ETV6: variants seen among roughly 807,000 people sequenced by gnomAD.
The protein encoded by ETV6 is transcription factor ETV6.
In ETV6, 16 loss-of-function variants were observed where a neutral mutation model predicts 51.1. The observed-to-expected ratio is 0.31, with a 90% CI of 0.21 to 0.48. ETV6 has a LOEUF of 0.48. ETV6 is among the 20% of genes least tolerant of loss of function. The pLI, the probability that ETV6 is intolerant of heterozygous loss-of-function variation, is 0.99. For missense variants in ETV6, 458 were observed against 594.8 expected (o/e 0.77, Z 2.39); for synonymous variants, 240 against 224.1 (o/e 1.07, Z -0.64).
chr12:11,820,009 C>T (rs1467685126), intron 2 of ETV6, among the ~76,000 whole-genome samples: 8 of 152,238 alleles, frequency 5.3e-5, no homozygotes, highest in African/African-American at 1.9e-4. Context: ...CTAATAATAG[C>T]TAACACTTAT....
chr12:11,881,026 C>CCCCTGG (rs1947083037), intron 5 of ETV6, among the ~76,000 whole-genome samples: 2 of 152,140 alleles, frequency 1.3e-5, no homozygotes, highest in Admixed American at 6.5e-5. Context: ...CAGCCCCAAA[C>CCCCTGG]CCCTGGGCTC....
chr12:11,669,373 T>TCCCTCCCTCCATCCCTCCCTC (rs1864262418), intron 1 of ETV6, among the ~76,000 whole-genome samples: 8 of 129,436 alleles, frequency 6.2e-5, no homozygotes, highest in South Asian at 2.6e-4. Flanking sequence ...CTTCCTCCCT[T>TCCCTCCCTCCATCCCTCCCTC]CCTCCCTCCC....
intron 2 of ETV6, among the ~76,000 whole-genome samples, chr12:11,832,221 G>A (rs1206991552): frequency 3.9e-5 from 6 of 152,192 alleles, no homozygotes; most frequent in African/African-American, 1.4e-4. Context: ...ATCAGCAAAT[G>A]GCAAAGAAAC....
intron 1 of ETV6, among the ~76,000 whole-genome samples, chr12:11,672,412 G>A (rs1327110119): frequency 2.0e-5 from 3 of 152,124 alleles, no homozygotes; most frequent in African/African-American, 4.8e-5. Flanking sequence ...AGACAAGCTG[G>A]CAAAAGGAAA....
intron 1 of ETV6, among the ~76,000 whole-genome samples, chr12:11,705,242 C>T (rs1294847473): frequency 6.6e-6 from 1 of 152,204 alleles, no homozygotes; most frequent in Non-Finnish European, 1.5e-5. Flanking sequence ...GGCCGGTGCT[C>T]AAACATGCTA....
intron 2 of ETV6, among the ~76,000 whole-genome samples, chr12:11,819,291 C>G (rs565730809): frequency 1.3e-5 from 2 of 152,296 alleles, no homozygotes; most frequent in East Asian, 3.9e-4. Context: ...GCCCGAAACT[C>G]TCCTGGCTTG....
chr12:11,810,097 G>A (rs1451475173), intron 2 of ETV6, among the ~76,000 whole-genome samples: 1 of 152,112 alleles, frequency 6.6e-6, no homozygotes, highest in Non-Finnish European at 1.5e-5. Context: ...GGGATTACAG[G>A]CGTGAGCCAC....
At chr12:11,702,605 T>C (rs2120844345) in intron 1 of ETV6, among the ~76,000 whole-genome samples, 1 of 139,474 alleles carries the variant, frequency 7.2e-6, no homozygotes, top group African/African-American at 2.6e-5. Context: ...GCCTGTAATC[T>C]CTTGGTAACA....
At chr12:11,701,290 C>T (rs1489010077) in intron 1 of ETV6, among the ~76,000 whole-genome samples, 2 of 152,194 alleles carry the variant, frequency 1.3e-5, no homozygotes, top group Non-Finnish European at 2.9e-5. Context: ...GCATGCCCTT[C>T]TCCCCTCCCC....
rs114760671 is a variant in ETV6 at position 11,793,211 on chromosome 12, A to G, written c.163+40632A>G. ...CACTAACTGTGGCAGATATTGTCCT[A>G]AGCACTTTACATCTGCTAGCTCATT... On this transcript the variant is annotated intron_variant, in intron 2 of 7. Coordinates refer to ENST00000396373, the MANE Select transcript of ETV6 (RefSeq NM_001987.5). Among the ~76,000 whole-genome samples, 471 of 152,334 alleles carry G rather than the reference A, an allele frequency of 3.1e-3. 4 individuals are homozygous for G. The highest frequency in any genetic ancestry group is 0.011 in the African/African-American group (456 of 41,568).
rs758064156 is a variant in ETV6 at position 11,869,622 on chromosome 12, C to T, written c.662C>T (p.Pro221Leu). 2 of 1,614,182 alleles carry T rather than the reference C, an allele frequency of 1.2e-6. No homozygotes were observed. The highest frequency in any genetic ancestry group is 1.1e-5 in the South Asian group (1 of 91,076). The change falls in exon 5 of 8, where the codon CCC becomes CTC. Residue 221 changes from proline (P) to leucine (L), a missense_variant. This residue lies in a region of ETV6 where 293 missense variants were observed against 315.7 expected (regional missense o/e 0.93). Coordinates refer to ENST00000396373, the MANE Select transcript of ETV6 (RefSeq NM_001987.5). The surrounding 1 kb of genome is among the most constrained non-coding windows in gnomAD (Gnocchi z 5.0). ...RLSPAERAQG[P>L]RPHQENNHQE... ...TCCCCGGCTGAGAGAGCTCAGGGAC[C>T]CAGGCCGCACCAGGAGAACAACCAC...
In ETV6 at chr12:11,793,063, T is replaced by C. The variant is rs563152590; in HGVS notation, c.163+40484T>C. Among the ~76,000 whole-genome samples the C allele has an allele frequency of 2.9e-4, 44 of 151,958 alleles. 1 individual carries two copies. In the South Asian group the frequency reaches 7.9e-3, roughly 27 times the overall value. On this transcript the variant is annotated intron_variant, in intron 2 of 7. Transcript: ENST00000396373. ...AGCTTTAATGTCTGTTTTTAAGGAA[T>C]AGTTCTTTAATTTAAAAAAAAAAAA...
chr12:11,882,604 C>T (rs1164967503), intron 5 of ETV6, among the ~76,000 whole-genome samples: 1 of 152,216 alleles, frequency 6.6e-6, no homozygotes, highest in East Asian at 1.9e-4. Context: ...CTACAAATAG[C>T]ACCCACTAAA....
chr12:11,807,724 C>A (rs756456306), intron 2 of ETV6, among the ~76,000 whole-genome samples: 1 of 152,158 alleles, frequency 6.6e-6, no homozygotes, highest in Non-Finnish European at 1.5e-5. Context: ...AAATGAACCA[C>A]CTTTTCAATG....
At chr12:11,677,969 G>A (rs1279046394) in intron 1 of ETV6, among the ~76,000 whole-genome samples, 5 of 152,166 alleles carry the variant, frequency 3.3e-5, no homozygotes, top group African/African-American at 4.8e-5. Flanking sequence ...ACTTCACTCC[G>A]TGCTGTCAGC....
At chr12:11,789,706 T>C (rs370392168) in intron 2 of ETV6, among the ~76,000 whole-genome samples, 126 of 152,342 alleles carry the variant, frequency 8.3e-4, no homozygotes, top group African/African-American at 2.7e-3. Flanking sequence ...TGTATGATTT[T>C]AGACATGGGG....
At chr12:11,731,181 AG>A (rs1268371976) in intron 1 of ETV6, among the ~76,000 whole-genome samples, 1 of 152,222 alleles carries the variant, frequency 6.6e-6, no homozygotes, top group African/African-American at 2.4e-5. Context: ...CTAGAAAGGC[AG>A]GTTTTGATCT....
rs147901781 is a variant in ETV6, at chr12:11,724,575, CAAGT to C, written c.34-27871_34-27868del. Among the ~76,000 whole-genome samples, 1,227 of 152,250 alleles carry C rather than the reference CAAGT, an allele frequency of 8.1e-3. 13 individuals are homozygous for C. The highest frequency in any genetic ancestry group is 0.027 in the African/African-American group (1,132 of 41,538). On this transcript the variant is annotated intron_variant, in intron 1 of 7. Transcript: ENST00000396373. ...AGAGATGGAGGGTAGGATACAAAGA[CAAGT>C]AAGGCCTAGTCTTCAGGAAGCCTTT... is the stretch of plus-strand genomic sequence containing the variant.
chr12:11,798,360 G>A (rs965850880), intron 2 of ETV6, among the ~76,000 whole-genome samples: 4 of 152,162 alleles, frequency 2.6e-5, no homozygotes, highest in Admixed American at 6.5e-5. Flanking sequence ...TTATAAGATC[G>A]GGGGCAGAAA....
Sources: allele counts gnomAD v4.1 joint callset (sites outside exome capture counted in the v4.1 genomes callset), GRCh38; gene constraint gnomAD v4.1.1; regional missense constraint gnomAD v4.1.1; non-coding constraint Gnocchi (gnomAD v3.1); transcripts MANE v1.5; gene names NCBI Gene and HGNC (gene_info 2026-07-23, HGNC 2026-07-21).